CORO1C: variants seen among roughly 807,000 people sequenced by gnomAD.
CORO1C encodes the protein coronin-1C.
A neutral mutation model predicts 51.2 loss-of-function variants in CORO1C; 14 were observed. The observed-to-expected ratio is 0.27, with a 90% confidence interval of 0.18 to 0.43. CORO1C has a LOEUF of 0.43. Among genes scored for constraint, CORO1C ranks in the 20% least tolerant of loss-of-function variants. The probability of loss-of-function intolerance (pLI) is 1.00; values close to 1 mark genes in which losing one functional copy is unlikely to be tolerated. For missense variants in CORO1C, 417 were observed against 607.8 expected, an observed-to-expected ratio of 0.69 and a Z score of 3.30; for synonymous variants, 181 against 210.5, an observed-to-expected ratio of 0.86 and a Z score of 1.21.
At position 108,657,539 on chromosome 12, in the gene CORO1C, G is replaced by GA. The variant is rs2136806615; in HGVS notation, c.631-117dup. ...GCCATTCATGTTCACCTGGGTGTGG[G>GA]AGGGAGGTCAGTGTTAACCATCCCC... is the stretch of plus-strand genomic sequence containing the variant. On this transcript the variant is annotated intron_variant, in intron 5 of 10. Transcript: ENST00000261401. The GA allele has an allele frequency of 3.6e-6, 4 of 1,116,174 alleles. No homozygotes were observed. In the South Asian group the frequency reaches 5.8e-5, roughly 16 times the overall value. 69.1% of individuals were successfully genotyped at this position (1,116,174 alleles called of 1,614,324 possible). A position where few individuals can be genotyped will look rare whatever the true frequency, so the allele number is the denominator to read the frequency against.
intron 10 of CORO1C, among the ~76,000 whole-genome samples, 154 bp downstream of exon 10, chr12:108,648,451 T>A (rs1189148427): frequency 6.6e-6 from 1 of 152,072 alleles, no homozygotes; most frequent in Non-Finnish European, 1.5e-5. Context: ...ACCACCACCA[T>A]CACGTGACCG....
intron 1 of CORO1C, chr12:108,730,630 T>C (rs1211155388): frequency 6.6e-6 from 1 of 152,616 alleles, no homozygotes; most frequent in Non-Finnish European, 1.5e-5. Flanking sequence ...CACCTCTGAA[T>C]CACCCAGTTC....
At chr12:108,662,995 A>C (rs966788675) in intron 3 of CORO1C, among the ~76,000 whole-genome samples, 1 of 152,236 alleles carries the variant, frequency 6.6e-6, no homozygotes, top group East Asian at 1.9e-4. Context: ...CAAATAACCC[A>C]ATTGAAAAAT....
chr12:108,718,535 C>CTCAAACACTCATACAGACA (rs1565939280), intron 1 of CORO1C, among the ~76,000 whole-genome samples: 3 of 151,830 alleles, frequency 2.0e-5, no homozygotes, highest in East Asian at 1.9e-4. Context: ...GAGCAAGACT[C>CTCAAACACTCATACAGACA]CACCTCAAAA....
rs149226774 is a variant in CORO1C at position 108,678,972 on chromosome 12, G to C, written c.196-578C>G. On this transcript the variant is annotated intron_variant, in intron 2 of 10. Transcript: ENST00000261401. Reference sequence around the variant, plus strand: ...CTAAAAATACAAAAATTAGCTGGTCGTGGTGGTGTGCGCCTGTAGTCCCAG... The same window carrying C: ...CTAAAAATACAAAAATTAGCTGGTCCTGGTGGTGTGCGCCTGTAGTCCCAG... Among the ~76,000 whole-genome samples, 570 of 151,204 alleles carry C rather than the reference G, an allele frequency of 3.8e-3. 5 individuals are homozygous for C. The highest frequency in any genetic ancestry group is 0.011 in the South Asian group (51 of 4,788).
chr12:108,711,531 T>C (rs2035180190), intron 1 of CORO1C, among the ~76,000 whole-genome samples: 1 of 151,858 alleles, frequency 6.6e-6, no homozygotes, highest in African/African-American at 2.4e-5. Context: ...AATACAAAAA[T>C]TAGCTGGGCT....
At chr12:108,698,092 C>G (rs2034747725) in intron 2 of CORO1C, among the ~76,000 whole-genome samples, 1 of 152,222 alleles carries the variant, frequency 6.6e-6, no homozygotes, top group Non-Finnish European at 1.5e-5. Context: ...TCACCTGACA[C>G]TCCAGGGCTC....
rs1234238343 is a variant in CORO1C, at chr12:108,662,020, A to G, written c.448+9T>C. The G allele has an allele frequency of 6.2e-7, 1 of 1,614,158 alleles. No homozygotes were observed. Among genetic ancestry groups the G allele is most frequent in the Non-Finnish European group, 8.5e-7 (1 of 1,180,016 alleles). Reference sequence around the variant, plus strand: ...AGACAAGGGGAGGACCGCTGAGCTCAGCTCCCACCTGCACTAAGAAGCACA... The same window carrying G: ...AGACAAGGGGAGGACCGCTGAGCTCGGCTCCCACCTGCACTAAGAAGCACA... On this transcript the variant is annotated intron_variant, in intron 4 of 10. Transcript: ENST00000261401.
chr12:108,725,677 G>GTTGACAT (rs2035571608), intron 1 of CORO1C, among the ~76,000 whole-genome samples: 1 of 152,170 alleles, frequency 6.6e-6, no homozygotes. Flanking sequence ...AGACAAAAAA[G>GTTGACAT]TTGACATTTT....
chr12:108,709,519 G>A (rs1351915264), intron 1 of CORO1C, among the ~76,000 whole-genome samples: 1 of 152,180 alleles, frequency 6.6e-6, no homozygotes, highest in Non-Finnish European at 1.5e-5. Flanking sequence ...TCTTAAGAGA[G>A]CTGTCTGCAT....
At chr12:108,647,621 C>G in intron 10 of CORO1C, 99 bp from the exon 11 acceptor site, 1 of 835,798 alleles carries the variant, frequency 1.2e-6, no homozygotes, top group Non-Finnish European at 1.8e-6. Flanking sequence ...TTCTATTTTG[C>G]AAACGGCAAG....
chr12:108,695,329 C>G (rs1175667759), intron 2 of CORO1C, among the ~76,000 whole-genome samples: 2 of 152,178 alleles, frequency 1.3e-5, no homozygotes, highest in Non-Finnish European at 2.9e-5. Flanking sequence ...GTTACACAGG[C>G]TAGCCCTATT....
At chr12:108,653,567 T>A (rs2032785860) in intron 7 of CORO1C, among the ~76,000 whole-genome samples, 1 of 152,132 alleles carries the variant, frequency 6.6e-6, no homozygotes, top group African/African-American at 2.4e-5. Flanking sequence ...TAAGGGAAAT[T>A]GAGCCTACAA....
intron 2 of CORO1C, among the ~76,000 whole-genome samples, chr12:108,694,320 A>G (rs73406602): frequency 0.036 from 5,346 of 150,166 alleles, 100 homozygotes; most frequent in Non-Finnish European, 0.049. Context: ...AACCCACCAC[A>G]GGTCGCTGCA....
At chr12:108,692,154 C>T (rs908417912) in intron 2 of CORO1C, among the ~76,000 whole-genome samples, 1 of 152,074 alleles carries the variant, frequency 6.6e-6, no homozygotes, top group African/African-American at 2.4e-5. Flanking sequence ...TGCCCTCCCC[C>T]TGCATCCTCC....
intron 4 of CORO1C, 47 bp downstream of exon 4, chr12:108,661,982 C>A: frequency 6.2e-7 from 1 of 1,611,492 alleles, no homozygotes; most frequent in Non-Finnish European, 8.5e-7. Context: ...ACTCAGAGAG[C>A]CACAAGAGTG....
chr12:108,726,055 A>G (rs1041004697), intron 1 of CORO1C, among the ~76,000 whole-genome samples: 17 of 152,200 alleles, frequency 1.1e-4, no homozygotes, highest in African/African-American at 3.9e-4. Context: ...GGCTGGTCTC[A>G]AACCCCTGAC....
In CORO1C at chr12:108,694,923, T is replaced by C. The variant is rs73191261; in HGVS notation, c.195+6201A>G. On this transcript the variant is annotated intron_variant, in intron 2 of 10. Coordinates refer to ENST00000261401, the MANE Select transcript of CORO1C (RefSeq NM_014325.4). ...AGTCACGTAATACAGTCTAAGAATATATGTATTAGTTATCAACTGCTGATT... is the reference window on the plus strand; with the variant it reads ...AGTCACGTAATACAGTCTAAGAATACATGTATTAGTTATCAACTGCTGATT... Among the ~76,000 whole-genome samples the C allele has an allele frequency of 2.9e-3, 438 of 152,350 alleles. 4 individuals carry two copies. The highest frequency in any genetic ancestry group is 7.2e-3 in the South Asian group (35 of 4,828).
chr12:108,693,112 A>C (rs2034555233), intron 2 of CORO1C, among the ~76,000 whole-genome samples: 1 of 152,008 alleles, frequency 6.6e-6, no homozygotes, highest in Admixed American at 6.6e-5. Context: ...CACAGATTCT[A>C]TATCCTCCCC....
Sources: gnomAD v4.1 joint callset for allele counts (sites outside exome capture counted in the v4.1 genomes callset) on GRCh38, gnomAD v4.1.1 for gene constraint, MANE v1.5 for transcripts, NCBI Gene and HGNC (gene_info 2026-07-23, HGNC 2026-07-21) for gene names.